PPP1R14C: variants seen among roughly 807,000 people sequenced by gnomAD.
PPP1R14C encodes the protein protein phosphatase 1 regulatory subunit 14C.
Under a neutral mutation model 20.4 loss-of-function variants are expected in PPP1R14C, and 16 were observed. The ratio of observed to expected loss-of-function variants is 0.78; its 90% CI spans 0.53 to 1.19. The LOEUF is 1.19. PPP1R14C is among the 50% of genes most tolerant of loss of function. The pLI is 0.00. For synonymous variants in PPP1R14C, 91 were observed against 91.0 expected (o/e 1.00, Z 0.00); for missense variants, 211 against 220.1 (o/e 0.96, Z 0.26).
intron 1 of PPP1R14C, among the ~76,000 whole-genome samples, chr6:150,209,408 G>A (rs995517218): frequency 4.1e-5 from 6 of 145,892 alleles, no homozygotes; most frequent in Non-Finnish European, 7.7e-5. Flanking sequence ...AGTTAGAAGT[G>A]TGTGTATATA....
chr6:150,160,707 T>C (rs1363967172), intron 1 of PPP1R14C, among the ~76,000 whole-genome samples: 1 of 152,162 alleles, frequency 6.6e-6, no homozygotes, highest in African/African-American at 2.4e-5. Context: ...TATGTCAGTA[T>C]GGTTCACGTA....
chr6:150,218,825 AT>A (rs1026247096), intron 3 of PPP1R14C, among the ~76,000 whole-genome samples: 1 of 151,834 alleles, frequency 6.6e-6, no homozygotes, highest in South Asian at 2.1e-4. Context: ...AATTATTTTT[AT>A]TTTTTTATAG....
At chr6:150,160,075 G>T in intron 1 of PPP1R14C, among the ~76,000 whole-genome samples, 1 of 152,034 alleles carries the variant, frequency 6.6e-6, no homozygotes, top group East Asian at 1.9e-4. Flanking sequence ...AGACCCAAAA[G>T]GTGAAGAAAC....
At chr6:150,156,445 CTT>C (rs776502948) in intron 1 of PPP1R14C, among the ~76,000 whole-genome samples, 53 of 152,266 alleles carry the variant, frequency 3.5e-4, no homozygotes, top group Non-Finnish European at 6.8e-4. Flanking sequence ...ATATTTTTCT[CTT>C]ATATTTGTAT....
rs1205414038 is a variant in PPP1R14C at position 150,249,535 on chromosome 6, A to G, written c.*715A>G. The G allele has an allele frequency of 2.5e-6, 1 of 398,498 alleles. No individual in the cohort carries two copies. The highest frequency in any genetic ancestry group is 4.4e-6 in the Non-Finnish European group (1 of 226,074). The allele number at this position is 398,498 out of a possible 1,614,324, so 24.7% of individuals were successfully genotyped here. On this transcript the variant is annotated 3_prime_UTR_variant, in exon 4 of 4. Transcript: ENST00000361131. The stretch of plus-strand genomic sequence containing the variant: ...ATTTCATTGGTTGGGATGCTTTGCC[A>G]GGTCATGTGCTTATTGTCTCATTTT...
At chr6:150,200,329 G>A (rs2114896672) in intron 1 of PPP1R14C, among the ~76,000 whole-genome samples, 2 of 152,158 alleles carry the variant, frequency 1.3e-5, no homozygotes, top group South Asian at 4.2e-4. Context: ...CTGGAGATTG[G>A]CAGTAGTCTC....
intron 1 of PPP1R14C, among the ~76,000 whole-genome samples, chr6:150,212,736 C>T (rs1778042868): frequency 6.6e-6 from 1 of 152,202 alleles, no homozygotes; most frequent in Admixed American, 6.5e-5. Context: ...TTATAATACC[C>T]TGTTTTTAAC....
At chr6:150,157,780 A>G (rs1777320849) in intron 1 of PPP1R14C, among the ~76,000 whole-genome samples, 1 of 152,206 alleles carries the variant, frequency 6.6e-6, no homozygotes, top group Non-Finnish European at 1.5e-5. Context: ...TCACAAGAGC[A>G]AGAACTCACT....
intron 1 of PPP1R14C, among the ~76,000 whole-genome samples, chr6:150,174,488 T>C (rs1036886638): frequency 6.6e-6 from 1 of 151,264 alleles, no homozygotes; most frequent in East Asian, 2.0e-4. Flanking sequence ...AGTGCTGGGA[T>C]TACAGGCGTG....
chr6:150,214,682 GT>G, intron 1 of PPP1R14C, 61 bp from the exon 2 acceptor site: 1 of 1,200,600 alleles, frequency 8.3e-7, no homozygotes, highest in South Asian at 1.2e-5. Context: ...AACCTAACTG[GT>G]GGGGTACAGT....
At chr6:150,228,873 C>T (rs1028563595) in intron 3 of PPP1R14C, among the ~76,000 whole-genome samples, 7 of 152,128 alleles carry the variant, frequency 4.6e-5, no homozygotes, top group African/African-American at 1.7e-4. Context: ...TAGGAAAAGC[C>T]ACGTGGGCCT....
At chr6:150,181,426 G>C (rs529519173) in intron 1 of PPP1R14C, among the ~76,000 whole-genome samples, 1 of 152,104 alleles carries the variant, frequency 6.6e-6, no homozygotes, top group African/African-American at 2.4e-5. Context: ...TGGGATTCAG[G>C]TTGTCCTTAG....
At chr6:150,158,986 T>G (rs573871508) in intron 1 of PPP1R14C, among the ~76,000 whole-genome samples, 16 of 152,356 alleles carry the variant, frequency 1.1e-4, no homozygotes, top group South Asian at 2.1e-4. Context: ...CGTAACACTT[T>G]GGAAGACTCC....
intron 1 of PPP1R14C, among the ~76,000 whole-genome samples, chr6:150,210,750 G>A (rs931718460): frequency 2.0e-5 from 3 of 152,206 alleles, no homozygotes; most frequent in African/African-American, 7.2e-5. Context: ...GCAGCACTGA[G>A]CACATATTCC....
intron 3 of PPP1R14C, among the ~76,000 whole-genome samples, chr6:150,236,495 A>G (rs1321055534): frequency 6.6e-6 from 1 of 152,120 alleles, no homozygotes; most frequent in African/African-American, 2.4e-5. Context: ...GGACCTTTTC[A>G]TTGTTTTCCG....
intron 1 of PPP1R14C, among the ~76,000 whole-genome samples, chr6:150,196,949 C>T (rs1323131794): frequency 6.6e-6 from 1 of 152,184 alleles, no homozygotes; most frequent in South Asian, 2.1e-4. Context: ...CTAATCAGTG[C>T]CAATGGCATT....
chr6:150,240,369 T>C (rs1778417277), intron 3 of PPP1R14C, among the ~76,000 whole-genome samples: 1 of 152,206 alleles, frequency 6.6e-6, no homozygotes, highest in Admixed American at 6.5e-5. Context: ...AATGAAAGAA[T>C]GAAGCAATGA....
chr6:150,158,549 G>T (rs1777330255), intron 1 of PPP1R14C, among the ~76,000 whole-genome samples: 1 of 152,110 alleles, frequency 6.6e-6, no homozygotes, highest in Admixed American at 6.5e-5. Context: ...TTTTCATAGG[G>T]TATCTTTTAT....
At chr6:150,242,306 A>G (rs1440518955) in intron 3 of PPP1R14C, among the ~76,000 whole-genome samples, 1 of 152,266 alleles carries the variant, frequency 6.6e-6, no homozygotes, top group African/African-American at 2.4e-5. Flanking sequence ...TACTAAAGAT[A>G]AAGATATTAC....
Sources: allele counts gnomAD v4.1 joint callset (sites outside exome capture counted in the v4.1 genomes callset), GRCh38; gene constraint gnomAD v4.1.1; transcripts MANE v1.5; gene names NCBI Gene and HGNC (gene_info 2026-07-23, HGNC 2026-07-21).